The following TLE6 variants were observed in gnomAD, a reference collection of about 807,000 sequenced individuals.
The protein encoded by TLE6 is TLE family member 6, subcortical maternal complex member, also known as transducin-like enhancer protein 6.
In TLE6, 72 loss-of-function variants were observed where a neutral mutation model predicts 77.1. The observed-to-expected ratio is 0.93, with a 90% CI of 0.77 to 1.14. The LOEUF (loss-of-function observed/expected upper bound fraction) is 1.14. TLE6 is among the 50% of genes most tolerant of loss of function. The pLI is 0.00. For synonymous variants in TLE6, 366 were observed against 287.3 expected (o/e 1.27, Z -2.77); for missense variants, 843 against 747.6 (o/e 1.13, Z -1.49).
intron 16 of TLE6, among the ~76,000 whole-genome samples, chr19:2,994,597 C>T (rs531158184): frequency 7.7e-6 from 1 of 129,856 alleles, no homozygotes; most frequent in Non-Finnish European, 1.8e-5. Context: ...GTGACAGAGA[C>T]TCCATCTAAA....
At chr19:2,990,069 T>G (rs563602546) in intron 13 of TLE6, among the ~76,000 whole-genome samples, 42 of 152,108 alleles carry the variant, frequency 2.8e-4, no homozygotes, top group African/African-American at 7.5e-4. Context: ...AGCCCCAAAC[T>G]CAAAGGCTTG....
chr19:2,985,846 C>T (rs1365946256), intron 5 of TLE6, among the ~76,000 whole-genome samples: 1 of 147,400 alleles, frequency 6.8e-6, no homozygotes, highest in Non-Finnish European at 1.5e-5. Flanking sequence ...GAGGCCAAGG[C>T]AGGAGAATCA....
intron 5 of TLE6, chr19:2,984,445 TAA>T (rs1429324796): frequency 2.6e-5 from 4 of 151,936 alleles, no homozygotes; most frequent in Non-Finnish European, 4.4e-5. Context: ...GAAAAAAACT[TAA>T]GAGATAGGAT....
At chr19:2,988,211 T>C (rs2088961293) in intron 11 of TLE6, 83 bp downstream of exon 11, 4 of 1,385,902 alleles carry the variant, frequency 2.9e-6, no homozygotes, top group East Asian at 2.5e-5. Context: ...TCCCGACACA[T>C]AGAGGGGAAC....
intron 1 of TLE6, 115 bp from the exon 2 acceptor site, chr19:2,978,083 G>T: frequency 1.4e-6 from 1 of 710,894 alleles, no homozygotes; most frequent in Non-Finnish European, 2.4e-6. Flanking sequence ...CCGCAGGATT[G>T]GGTCCCTGGA....
Position 2,994,892 on chromosome 19 carries a change from C to A in TLE6, c.1615-8C>A, listed in dbSNP as rs758994719. 1.3e-6 allele frequency: 2 copies of A among 1,576,980 alleles called. No homozygotes were observed. The highest frequency in any genetic ancestry group is 1.7e-6 in the Non-Finnish European group (2 of 1,156,862). ...ACCCCAGCTCACTGCCCACTGCCCC[C>A]CCTCCAGGTGCCTGAGATGTCTCCA... On this transcript the variant is annotated splice_region_variant and splice_polypyrimidine_tract_variant and intron_variant, in intron 16 of 16. Coordinates refer to ENST00000246112, the MANE Select transcript of TLE6 (RefSeq NM_001143986.2).
rs1308401817 is a variant in TLE6, at chr19:2,987,495, C to T, written c.558+123C>T. On this transcript the variant is annotated intron_variant, in intron 8 of 16. Transcript: ENST00000246112. ...CTTCCTTCCATCCTGCCCCTCGGGTCCCCCGGGGGGGACTTGGGTGATCCA... is the reference window on the plus strand; with the variant it reads ...CTTCCTTCCATCCTGCCCCTCGGGTTCCCCGGGGGGGACTTGGGTGATCCA... 6 of 1,421,206 alleles carry T rather than the reference C, an allele frequency of 4.2e-6. No homozygotes were observed. The African/African-American group carries it at 7.0e-5, about 17-fold the overall frequency. 88.0% of individuals were successfully genotyped at this position (1,421,206 alleles called of 1,614,324 possible).
rs369419085 is a variant in TLE6 at position 2,987,966 on chromosome 19, G to A, written c.694G>A (p.Val232Met). Residue 232 changes from valine to methionine, a missense_variant, in exon 10 of 17, where the codon GTG becomes ATG. Physicochemically the swap from Val to Met is conservative, Grantham distance 21 (BLOSUM62 1). Transcript: ENST00000246112. ...CCAAGACAGGAACACAAGTTGGGGT[G>A]TGGTCCAGGTGAGACCCAGGCCCGA... Reference protein sequence around the residue: ...GSQDRNTSWGVVQEPPGRASR... With the variant: ...GSQDRNTSWGMVQEPPGRASR... The A allele has an allele frequency of 2.1e-5, 34 of 1,609,606 alleles. No homozygotes were observed. The highest frequency in any genetic ancestry group is 4.0e-5 in the African/African-American group (3 of 74,852).
At chr19:2,991,518 C>T (rs990097073) in intron 13 of TLE6, among the ~76,000 whole-genome samples, 5 of 151,248 alleles carry the variant, frequency 3.3e-5, no homozygotes, top group Admixed American at 6.7e-5. Context: ...GCACACCACC[C>T]GCCCGGCACT....
At chr19:2,988,002 C>T (rs2088955379) in intron 10 of TLE6, 28 bp downstream of exon 10, 2 of 1,601,518 alleles carry the variant, frequency 1.2e-6, no homozygotes, top group Non-Finnish European at 1.7e-6. Flanking sequence ...GCTGGTAGCC[C>T]AGCGTGAAGG....
At position 2,978,204 on chromosome 19, in the gene TLE6, G is replaced by A. The variant is rs1471570844; in HGVS notation, c.-30G>A. On this transcript the variant is annotated 5_prime_UTR_variant, in exon 2 of 17. Coordinates refer to ENST00000246112, the MANE Select transcript of TLE6 (RefSeq NM_001143986.2). ...CGTCTCCTTGTTGTTTTAGACTCTG[G>A]CTAAAGTCTTGGAGGCTACTGCCTT... The A allele has an allele frequency of 3.2e-6, 5 of 1,550,764 alleles. No homozygotes were observed. Among genetic ancestry groups the A allele is most frequent in the Non-Finnish European group, 4.4e-6 (5 of 1,146,556 alleles).
At chr19:2,991,037 C>CATAT (rs913424066) in intron 13 of TLE6, among the ~76,000 whole-genome samples, 3 of 72,842 alleles carry the variant, frequency 4.1e-5, no homozygotes, top group Non-Finnish European at 8.2e-5. Context: ...TACATACATA[C>CATAT]ATACATATAT....
In TLE6 at chr19:2,987,380, A is replaced by C; in HGVS notation, c.558+8A>C. 1 of 1,613,514 alleles carries C rather than the reference A, an allele frequency of 6.2e-7. No homozygotes were observed. Among genetic ancestry groups the C allele is most frequent in the Non-Finnish European group, 8.5e-7 (1 of 1,179,958 alleles). On this transcript the variant is annotated splice_region_variant and intron_variant, in intron 8 of 16. Transcript: ENST00000246112. ...GAGCAGGCACCAGGCCTGGTGAGTA[A>C]ACAACCTCAGCTCTATCCAGAGGGG...
intron 11 of TLE6, among the ~76,000 whole-genome samples, 183 bp downstream of exon 11, chr19:2,988,311 G>A (rs1599162973): frequency 6.6e-6 from 1 of 152,172 alleles, no homozygotes; most frequent in African/African-American, 2.4e-5. Context: ...AAAGTGCAGT[G>A]TTAGGCCGGG....
intron 13 of TLE6, among the ~76,000 whole-genome samples, chr19:2,990,435 C>G (rs1286279571): frequency 6.6e-6 from 1 of 150,594 alleles, no homozygotes; most frequent in Non-Finnish European, 1.5e-5. Flanking sequence ...AACCCTGTCT[C>G]TACTAAAACT....
At chr19:2,992,400 A>G (rs939084360) in intron 14 of TLE6, among the ~76,000 whole-genome samples, 1 of 151,730 alleles carries the variant, frequency 6.6e-6, no homozygotes, top group East Asian at 1.9e-4. Flanking sequence ...TAAACCCGGG[A>G]GGTGGAGGTT....
At chr19:2,989,390 A>C in intron 12 of TLE6, 77 bp downstream of exon 12, 1 of 1,590,482 alleles carries the variant, frequency 6.3e-7, no homozygotes, top group Non-Finnish European at 8.6e-7. Flanking sequence ...GGCAGAGCCC[A>C]GATCGTGGAG....
At chr19:2,983,299 G>A (rs993816871) in intron 5 of TLE6, among the ~76,000 whole-genome samples, 18 of 152,178 alleles carry the variant, frequency 1.2e-4, no homozygotes, top group Non-Finnish European at 2.2e-4. Flanking sequence ...CCCACCCTTG[G>A]GGCGAGTGGA....
intron 5 of TLE6, among the ~76,000 whole-genome samples, chr19:2,982,762 A>T (rs896913786): frequency 2.0e-5 from 3 of 151,962 alleles, no homozygotes; most frequent in African/African-American, 7.3e-5. Context: ...CCTGTCTCTG[A>T]GCTGCTTCCA....
Sources: allele counts gnomAD v4.1 joint callset (sites outside exome capture counted in the v4.1 genomes callset), GRCh38; gene constraint gnomAD v4.1.1; transcripts MANE v1.5; gene names NCBI Gene and HGNC (gene_info 2026-07-23, HGNC 2026-07-21).